Variants in SLC35F1 observed in about 807,000 individuals in gnomAD.
The protein encoded by SLC35F1 is chromosome 6 open reading frame 169.
Under a neutral mutation model 48.7 loss-of-function variants are expected in SLC35F1, and 14 were observed. That is an observed-to-expected ratio of 0.29 (90% CI 0.19 to 0.45). The LOEUF (loss-of-function observed/expected upper bound fraction) is 0.45. Among genes scored for constraint, SLC35F1 ranks in the 20% least tolerant of loss-of-function variants. The pLI, the probability that SLC35F1 is intolerant of heterozygous loss-of-function variation, is 1.00. For synonymous variants in SLC35F1, 190 were observed against 202.2 expected (o/e 0.94, Z 0.51); for missense variants, 404 against 500.0 (o/e 0.81, Z 1.83).
rs747859123 is a variant in SLC35F1 at position 118,167,339 on chromosome 6, G to A, written c.349+12719G>A. On this transcript the variant is annotated intron_variant, in intron 2 of 7. Coordinates refer to ENST00000360388, the MANE Select transcript of SLC35F1 (RefSeq NM_001029858.4). ...TATAGGGATATCTTCTGAGAAATGC[G>A]TCTTTAGGTGATTTCGTCATTGTGC... Among the ~76,000 whole-genome samples the A allele has an allele frequency of 9.2e-5, 14 of 152,060 alleles. No homozygotes were observed. In the East Asian group the frequency reaches 2.3e-3, roughly 25 times the overall value.
chr6:118,075,515 G>A (rs951836921), intron 1 of SLC35F1, among the ~76,000 whole-genome samples: 2 of 152,150 alleles, frequency 1.3e-5, no homozygotes, highest in South Asian at 2.1e-4. Flanking sequence ...AGATTAAGAT[G>A]ACAAATATTG....
intron 1 of SLC35F1, among the ~76,000 whole-genome samples, chr6:118,037,906 A>G (rs1772157967): frequency 6.6e-6 from 1 of 152,104 alleles, no homozygotes; most frequent in South Asian, 2.1e-4. Context: ...CATTAGGACA[A>G]ATACCTAATG....
chr6:118,110,518 T>G (rs2484145), intron 1 of SLC35F1, among the ~76,000 whole-genome samples: 15,491 of 152,138 alleles, frequency 0.1, 1,757 homozygotes, highest in African/African-American at 0.28. Context: ...GCTAATTTTT[T>G]ATTGAGAGCC....
At chr6:117,974,010 G>T (rs1462310258) in intron 1 of SLC35F1, among the ~76,000 whole-genome samples, 1 of 152,200 alleles carries the variant, frequency 6.6e-6, no homozygotes, top group Non-Finnish European at 1.5e-5. Context: ...TACCCTGCTG[G>T]ATGGTGCCAG....
intron 1 of SLC35F1, among the ~76,000 whole-genome samples, chr6:117,921,433 A>C (rs540564563): frequency 6.6e-6 from 1 of 152,320 alleles, no homozygotes; most frequent in South Asian, 2.1e-4. Flanking sequence ...TGTGACTTGG[A>C]TTTCAAATTT....
At chr6:117,977,444 T>A (rs1219454972) in intron 1 of SLC35F1, among the ~76,000 whole-genome samples, 1 of 152,164 alleles carries the variant, frequency 6.6e-6, no homozygotes, top group African/African-American at 2.4e-5. Flanking sequence ...ATTTAAAAAA[T>A]AGCTAATTTG....
rs1320946264 is a variant in SLC35F1, at chr6:118,235,163, G to A, written c.350-346G>A. Among the ~76,000 whole-genome samples, 8 of 152,118 alleles carry A rather than the reference G, an allele frequency of 5.3e-5. No homozygotes were observed. The South Asian group carries it at 1.7e-3, about 32-fold the overall frequency. On this transcript the variant is annotated intron_variant, in intron 2 of 7. Transcript: ENST00000360388. ...CCTGAAATTTAGAATGATTTGGAAT[G>A]TTGTGTTTATGCAGCCTTTCTGGTA...
At chr6:118,118,453 C>CATGTCATT (rs1773503254) in intron 1 of SLC35F1, among the ~76,000 whole-genome samples, 1 of 152,124 alleles carries the variant, frequency 6.6e-6, no homozygotes, top group Non-Finnish European at 1.5e-5. Flanking sequence ...TCCCAGGAAA[C>CATGTCATT]ATGTCATTTC....
intron 1 of SLC35F1, among the ~76,000 whole-genome samples, chr6:118,012,949 A>T (rs1177408352): frequency 1.3e-5 from 2 of 151,978 alleles, no homozygotes; most frequent in African/African-American, 4.8e-5. Context: ...TTTGTTCATG[A>T]TTGCAGCAGT....
At chr6:118,149,025 G>A (rs1774016700) in intron 1 of SLC35F1, among the ~76,000 whole-genome samples, 1 of 152,120 alleles carries the variant, frequency 6.6e-6, no homozygotes, top group Admixed American at 6.6e-5. Context: ...CTTTCATCCT[G>A]TGTTTATTGA....
chr6:118,040,632 A>C, intron 1 of SLC35F1, among the ~76,000 whole-genome samples: 1 of 152,034 alleles, frequency 6.6e-6, no homozygotes, highest in East Asian at 1.9e-4. Context: ...ATAGGATAGA[A>C]TCTTAGAAAT....
intron 1 of SLC35F1, among the ~76,000 whole-genome samples, chr6:118,013,144 G>A (rs988874014): frequency 3.3e-5 from 5 of 152,146 alleles, no homozygotes; most frequent in African/African-American, 9.7e-5. Flanking sequence ...ATGAATGGAC[G>A]TGATTGTGGG....
At chr6:118,279,634 A>G (rs1295291149) in intron 6 of SLC35F1, among the ~76,000 whole-genome samples, 4 of 152,152 alleles carry the variant, frequency 2.6e-5, no homozygotes, top group African/African-American at 9.7e-5. Flanking sequence ...GAACTGGGAG[A>G]TGGCATAACA....
chr6:118,231,011 A>T (rs1775286202), intron 2 of SLC35F1, among the ~76,000 whole-genome samples: 1 of 152,072 alleles, frequency 6.6e-6, no homozygotes, highest in South Asian at 2.1e-4. Context: ...CAACAACAAA[A>T]AAACAATATC....
chr6:118,305,486 CAT>C (rs1357947087), intron 7 of SLC35F1, among the ~76,000 whole-genome samples: 1 of 152,126 alleles, frequency 6.6e-6, no homozygotes, highest in African/African-American at 2.4e-5. Context: ...ATCAATTTCA[CAT>C]GTCTTTTAAA....
chr6:118,269,773 A>T (rs979499172), intron 4 of SLC35F1, among the ~76,000 whole-genome samples: 1 of 152,122 alleles, frequency 6.6e-6, no homozygotes, highest in Non-Finnish European at 1.5e-5. Context: ...GGCCAGGCAC[A>T]TTCAGAAATC....
intron 1 of SLC35F1, among the ~76,000 whole-genome samples, chr6:117,962,148 A>G (rs751652282): frequency 8.5e-5 from 13 of 152,172 alleles, no homozygotes; most frequent in Non-Finnish European, 1.6e-4. Context: ...TTGCTTTAGA[A>G]TTCAGGATCA....
chr6:118,173,895 C>T (rs1416187944), intron 2 of SLC35F1, among the ~76,000 whole-genome samples: 2 of 152,162 alleles, frequency 1.3e-5, no homozygotes, highest in Admixed American at 6.6e-5. Flanking sequence ...AAGCTGGAAG[C>T]GTAGTTGTAA....
chr6:118,130,432 C>G (rs1773693103), intron 1 of SLC35F1, among the ~76,000 whole-genome samples: 1 of 152,128 alleles, frequency 6.6e-6, no homozygotes, highest in Non-Finnish European at 1.5e-5. Flanking sequence ...GATCGCACCA[C>G]TGCACTCTAG....
Sources: allele counts gnomAD v4.1 joint callset (sites outside exome capture counted in the v4.1 genomes callset), GRCh38; gene constraint gnomAD v4.1.1; transcripts MANE v1.5; gene names NCBI Gene and HGNC (gene_info 2026-07-23, HGNC 2026-07-21).